GPC6: variants seen among roughly 807,000 people sequenced by gnomAD.
GPC6 encodes the protein glypican-6.
GPC6 carries 14 observed loss-of-function variants against 55.2 expected under a neutral mutation model. That is an observed-to-expected ratio of 0.25 (90% confidence interval 0.17 to 0.40). The LOEUF (loss-of-function observed/expected upper bound fraction) is 0.40, where lower values mean the gene tolerates loss of function less well. Among genes scored for constraint, GPC6 ranks in the 10% least tolerant of loss-of-function variants. GPC6 has a pLI of 1.00. For missense variants in GPC6, 641 were observed against 708.5 expected (o/e 0.90, Z 1.08); for synonymous variants, 278 against 259.6 (o/e 1.07, Z -0.68).
intron 4 of GPC6, among the ~76,000 whole-genome samples, chr13:94,201,242 A>G (rs565500293): frequency 2.0e-5 from 3 of 152,236 alleles, no homozygotes; most frequent in African/African-American, 7.2e-5. Context: ...GCATTAGGCA[A>G]TAGGATGCTG....
intron 3 of GPC6, among the ~76,000 whole-genome samples, chr13:93,929,399 T>G (rs1878037633): frequency 6.6e-6 from 1 of 152,234 alleles, no homozygotes. Context: ...TTTGAGAATG[T>G]TAATGCCGTC....
At chr13:94,184,245 A>G (rs2138951311) in intron 4 of GPC6, among the ~76,000 whole-genome samples, 1 of 152,254 alleles carries the variant, frequency 6.6e-6, no homozygotes, top group East Asian at 1.9e-4. Context: ...AATCTCCCAA[A>G]GCAATTGCAA....
At chr13:93,582,208 G>A (rs1876972076) in intron 2 of GPC6, among the ~76,000 whole-genome samples, 1 of 152,164 alleles carries the variant, frequency 6.6e-6, no homozygotes, top group African/African-American at 2.4e-5. Context: ...ATTCTATGCA[G>A]ATATTAATGA....
intron 1 of GPC6, among the ~76,000 whole-genome samples, chr13:93,248,563 G>C (rs1027702629): frequency 6.6e-6 from 1 of 151,862 alleles, no homozygotes; most frequent in Non-Finnish European, 1.5e-5. Flanking sequence ...TCTTCATTCA[G>C]GGTGACAATT....
At chr13:93,726,103 T>TAC (rs71811304) in intron 2 of GPC6, among the ~76,000 whole-genome samples, 5,931 of 126,766 alleles carry the variant, frequency 0.047, 162 homozygotes, top group African/African-American at 0.084. Flanking sequence ...TTTTCCTTCA[T>TAC]ACACACACAC....
intron 1 of GPC6, among the ~76,000 whole-genome samples, chr13:93,445,432 G>A (rs1448031428): frequency 6.6e-6 from 1 of 152,094 alleles, no homozygotes; most frequent in African/African-American, 2.4e-5. Flanking sequence ...CTAGGTGAAA[G>A]GTAATATTGG....
intron 4 of GPC6, among the ~76,000 whole-genome samples, chr13:94,116,284 T>C (rs1886425369): frequency 6.6e-6 from 1 of 152,050 alleles, no homozygotes; most frequent in Admixed American, 6.6e-5. Context: ...TACTACATTC[T>C]GGAAGTTGCG....
intron 2 of GPC6, among the ~76,000 whole-genome samples, chr13:93,687,813 A>G (rs1882106399): frequency 6.6e-6 from 1 of 151,618 alleles, no homozygotes; most frequent in African/African-American, 2.4e-5. Flanking sequence ...CTGGGCTCCT[A>G]GAGGCCCACT....
intron 7 of GPC6, among the ~76,000 whole-genome samples, chr13:94,393,955 G>T (rs543920865): frequency 6.6e-6 from 1 of 152,224 alleles, no homozygotes; most frequent in East Asian, 1.9e-4. Context: ...CGGGGGCTGT[G>T]GTTGGCTGCT....
intron 1 of GPC6, among the ~76,000 whole-genome samples, chr13:93,521,172 G>A (rs1172732031): frequency 6.6e-6 from 1 of 151,818 alleles, no homozygotes; most frequent in African/African-American, 2.4e-5. Context: ...GCATCTAGTT[G>A]AACAGATTTT....
rs577124943 is a variant in GPC6 at position 93,615,479 on chromosome 13, A to G, written c.319+70058A>G. On this transcript the variant is annotated intron_variant, in intron 2 of 8. Transcript: ENST00000377047. ...CTGATGCCAGGCAGTTTATGTATCA[A>G]CCACATCTATCATGCCTTTTCCTCC... Among the ~76,000 whole-genome samples the G allele has an allele frequency of 1.1e-4, 17 of 152,260 alleles. No individual in the cohort carries two copies. The South Asian group carries it at 1.7e-3, about 15-fold the overall frequency.
Position 93,644,900 on chromosome 13 carries a change from C to T in GPC6, c.319+99479C>T, listed in dbSNP as rs140881551. Among the ~76,000 whole-genome samples, 22 of 152,170 alleles carry T rather than the reference C, an allele frequency of 1.4e-4. No homozygotes were observed. The East Asian group carries it at 4.3e-3, about 29-fold the overall frequency. ...AAACTTCGCCAAATGCAGCCATATT[C>T]AATGAACCCACTGATTAAACACACA... On this transcript the variant is annotated intron_variant, in intron 2 of 8. Coordinates refer to ENST00000377047, the MANE Select transcript of GPC6 (RefSeq NM_005708.5).
At chr13:93,427,770 A>G (rs1412233127) in intron 1 of GPC6, among the ~76,000 whole-genome samples, 1 of 152,122 alleles carries the variant, frequency 6.6e-6, no homozygotes, top group African/African-American at 2.4e-5. Flanking sequence ...AAGCACACAC[A>G]ATAGTCCGTT....
chr13:94,195,604 G>C (rs1889547216), intron 4 of GPC6, among the ~76,000 whole-genome samples: 1 of 152,138 alleles, frequency 6.6e-6, no homozygotes, highest in Non-Finnish European at 1.5e-5. Context: ...AGTTGCTAAA[G>C]TTTCTGCCCC....
intron 1 of GPC6, among the ~76,000 whole-genome samples, chr13:93,510,905 GT>G (rs1204353387): frequency 7.3e-6 from 1 of 137,118 alleles, no homozygotes; most frequent in African/African-American, 2.6e-5. Context: ...ATGTTGAGCA[GT>G]TTTTTTGTAT....
intron 3 of GPC6, among the ~76,000 whole-genome samples, chr13:93,986,866 C>T (rs1389432933): frequency 6.6e-6 from 1 of 152,064 alleles, no homozygotes; most frequent in African/African-American, 2.4e-5. Context: ...TTGCAAATTA[C>T]TTTCTGTCAA....
At chr13:93,356,352 A>G (rs1292283180) in intron 1 of GPC6, among the ~76,000 whole-genome samples, 2 of 152,210 alleles carry the variant, frequency 1.3e-5, no homozygotes, top group Non-Finnish European at 2.9e-5. Flanking sequence ...AGGAACAAGC[A>G]AGAGCTCTGT....
chr13:93,784,450 G>A (rs1394077860), intron 2 of GPC6, among the ~76,000 whole-genome samples: 3 of 152,156 alleles, frequency 2.0e-5, no homozygotes, highest in Non-Finnish European at 2.9e-5. Context: ...CTCCAGCTGA[G>A]TAGGTATTTT....
chr13:93,359,149 A>G (rs567405452), intron 1 of GPC6, among the ~76,000 whole-genome samples: 1 of 152,038 alleles, frequency 6.6e-6, no homozygotes, highest in East Asian at 1.9e-4. Context: ...AATTTTTTAT[A>G]GAGGCTGGGT....
Sources: allele counts gnomAD v4.1 joint callset (sites outside exome capture counted in the v4.1 genomes callset), GRCh38; gene constraint gnomAD v4.1.1; transcripts MANE v1.5; gene names NCBI Gene and HGNC (gene_info 2026-07-23, HGNC 2026-07-21).